The following NFE2L2 variants were observed in gnomAD, a reference collection of about 807,000 sequenced individuals.
NFE2L2 encodes NFE2 like bZIP transcription factor 2.
A neutral mutation model predicts 49.6 loss-of-function variants in NFE2L2; 20 were observed. That is an observed-to-expected ratio of 0.40 (90% CI 0.28 to 0.59). The LOEUF is 0.59. NFE2L2 is among the 20% of genes least tolerant of loss of function. NFE2L2 has a pLI of 0.40. For missense variants in NFE2L2, 578 were observed against 714.2 expected (o/e 0.81, Z 2.17); for synonymous variants, 244 against 256.5 (o/e 0.95, Z 0.47).
At chr2:177,236,186 G>T (rs1689743976) in intron 1 of NFE2L2, among the ~76,000 whole-genome samples, 1 of 152,262 alleles carries the variant, frequency 6.6e-6, no homozygotes, top group Admixed American at 6.5e-5. Flanking sequence ...TAACATGGTG[G>T]TTGTTTCAGT....
intron 1 of NFE2L2, among the ~76,000 whole-genome samples, chr2:177,259,990 C>A (rs994808546): frequency 6.6e-6 from 1 of 151,986 alleles, no homozygotes; most frequent in Admixed American, 6.6e-5. Flanking sequence ...TAATATTATA[C>A]ACTTGAACAT....
intron 1 of NFE2L2, among the ~76,000 whole-genome samples, chr2:177,245,940 A>G (rs1245453464): frequency 4.6e-5 from 7 of 152,172 alleles, no homozygotes; most frequent in African/African-American, 1.7e-4. Flanking sequence ...GAACACGTTG[A>G]GGCTTCGGGG....
chr2:177,248,628 C>T (rs1690218008), intron 1 of NFE2L2, among the ~76,000 whole-genome samples: 1 of 152,196 alleles, frequency 6.6e-6, no homozygotes, highest in African/African-American at 2.4e-5. Context: ...AGGCTGGTCT[C>T]GATCTCCTCA....
At chr2:177,238,320 C>G (rs1263724558) in intron 1 of NFE2L2, among the ~76,000 whole-genome samples, 1 of 152,208 alleles carries the variant, frequency 6.6e-6, no homozygotes, top group Non-Finnish European at 1.5e-5. Flanking sequence ...TTACAACCAA[C>G]CCTCATGAGC....
intron 1 of NFE2L2, among the ~76,000 whole-genome samples, chr2:177,249,134 C>G (rs1690242151): frequency 6.6e-6 from 1 of 151,972 alleles, no homozygotes; most frequent in South Asian, 2.1e-4. Context: ...GCATGAGGAT[C>G]CTGGAGCCCA....
At chr2:177,261,354 G>T (rs1401926515) in intron 1 of NFE2L2, among the ~76,000 whole-genome samples, 2 of 152,106 alleles carry the variant, frequency 1.3e-5, no homozygotes, top group Non-Finnish European at 2.9e-5. Flanking sequence ...CTTGCTAAAT[G>T]GAAAAGCTGC....
At chr2:177,253,085 T>C (rs1008317234) in intron 1 of NFE2L2, among the ~76,000 whole-genome samples, 25 of 152,226 alleles carry the variant, frequency 1.6e-4, no homozygotes, top group Admixed American at 1.6e-3. Flanking sequence ...TAGTCTGTCA[T>C]AGTCCAGCTC....
intron 1 of NFE2L2, among the ~76,000 whole-genome samples, chr2:177,240,373 C>A (rs1174821276): frequency 6.6e-6 from 1 of 152,194 alleles, no homozygotes; most frequent in Non-Finnish European, 1.5e-5. Flanking sequence ...TACTTTCTTA[C>A]AACGGGTGAG....
chr2:177,256,259 C>T (rs972202078), intron 1 of NFE2L2, among the ~76,000 whole-genome samples: 1 of 152,090 alleles, frequency 6.6e-6, no homozygotes, highest in Non-Finnish European at 1.5e-5. Context: ...AGTCATTCTT[C>T]CCTCTATTCT....
At chr2:177,260,878 T>C (rs1266495897) in intron 1 of NFE2L2, among the ~76,000 whole-genome samples, 1 of 152,146 alleles carries the variant, frequency 6.6e-6, no homozygotes, top group Non-Finnish European at 1.5e-5. Context: ...ACTATTATTA[T>C]ATTAAGAAAC....
chr2:177,237,265 G>T (rs1325468469), intron 1 of NFE2L2, among the ~76,000 whole-genome samples: 1 of 152,220 alleles, frequency 6.6e-6, no homozygotes, highest in Non-Finnish European at 1.5e-5. Context: ...AATCTTGGTA[G>T]TATGAAGCGG....
At chr2:177,237,819 G>A (rs1005336551) in intron 1 of NFE2L2, among the ~76,000 whole-genome samples, 1 of 152,054 alleles carries the variant, frequency 6.6e-6, no homozygotes, top group Admixed American at 6.6e-5. Flanking sequence ...ACGCCCAGCT[G>A]AGAAACCTAC....
Position 177,230,697 on chromosome 2 carries a change from T to C in NFE2L2, c.*88A>G, listed in dbSNP as rs73031353. 2.5e-4 allele frequency: 357 copies of C among 1,407,296 alleles called. 1 individual carries two copies. In the African/African-American group the frequency reaches 4.8e-3, roughly 19 times the overall value. The allele number at this position is 1,407,296 out of a possible 1,614,324, so 87.2% of individuals were successfully genotyped here. ...CTATGATTTTGCATAGAATTACTTATAAAGTATGAGCATTTCACATCACAG... is the reference window on the plus strand; with the variant it reads ...CTATGATTTTGCATAGAATTACTTACAAAGTATGAGCATTTCACATCACAG... On this transcript the variant is annotated 3_prime_UTR_variant, in exon 5 of 5. Transcript: ENST00000397062.
chr2:177,260,375 A>AT (rs1690689674), intron 1 of NFE2L2, among the ~76,000 whole-genome samples: 1 of 152,244 alleles, frequency 6.6e-6, no homozygotes, highest in Non-Finnish European at 1.5e-5. Context: ...ATCAGATCCT[A>AT]TAAGTCCTGC....
intron 1 of NFE2L2, among the ~76,000 whole-genome samples, chr2:177,262,237 C>G (rs868659269): frequency 1.3e-5 from 2 of 152,274 alleles, no homozygotes; most frequent in Middle Eastern, 3.4e-3. Context: ...TCCTATTTTT[C>G]TTTTGTTTGA....
rs1470733070 is a variant in NFE2L2 at position 177,230,357 on chromosome 2, T to G, written c.*428A>C. The G allele has an allele frequency of 4.3e-6, 1 of 232,512 alleles. No homozygotes were observed. The allele number at this position is 232,512 out of a possible 1,614,324, so 14.4% of individuals were successfully genotyped here. A position where few individuals can be genotyped will look rare whatever the true frequency, so the allele number is the denominator to read the frequency against. ...TTAGTACCAGCTCTTAAAATTTTTTTTTTTTGCCAGAGCTAAACAATTTAA... is the reference window on the plus strand; with the variant it reads ...TTAGTACCAGCTCTTAAAATTTTTTGTTTTTGCCAGAGCTAAACAATTTAA... On this transcript the variant is annotated 3_prime_UTR_variant, in exon 5 of 5. Coordinates refer to ENST00000397062, the MANE Select transcript of NFE2L2 (RefSeq NM_006164.5).
chr2:177,260,985 G>T (rs1218530956), intron 1 of NFE2L2, among the ~76,000 whole-genome samples: 17 of 151,930 alleles, frequency 1.1e-4, no homozygotes, highest in Non-Finnish European at 2.9e-5. Flanking sequence ...AGCCCAGCCT[G>T]GCCAACATGG....
intron 1 of NFE2L2, among the ~76,000 whole-genome samples, chr2:177,245,625 T>C (rs1410299332): frequency 1.3e-5 from 2 of 152,042 alleles, no homozygotes; most frequent in Non-Finnish European, 2.9e-5. Context: ...CTTTTTTTTT[T>C]TTGAGACAGA....
chr2:177,264,342 CG>C, intron 1 of NFE2L2, 189 bp downstream of exon 1: 1 of 538,398 alleles, frequency 1.9e-6, no homozygotes, highest in Non-Finnish European at 3.1e-6. Flanking sequence ...TCGGATCACC[CG>C]GCCGCGTCCC....
Sources: allele counts gnomAD v4.1 joint callset (sites outside exome capture counted in the v4.1 genomes callset), GRCh38; gene constraint gnomAD v4.1.1; transcripts MANE v1.5; gene names NCBI Gene and HGNC (gene_info 2026-07-23, HGNC 2026-07-21).